XNDC1N: variants seen among roughly 807,000 people sequenced by gnomAD.
XNDC1N encodes the protein protein XNDC1N.
chr11:71,888,252 C>T, the XNDC1N span, among the ~76,000 whole-genome samples: 9 of 152,272 alleles, frequency 5.9e-5, no homozygotes, highest in Admixed American at 5.9e-4. Context: ...GGTGGGAAGG[C>T]AGCCCGGGAT....
chr11:71,865,719 A>G, the XNDC1N span: 1 of 343,310 alleles, frequency 2.9e-6, no homozygotes, highest in Non-Finnish European at 5.6e-6. Context: ...ATAAAATATA[A>G]AGTAGAGCAA....
At chr11:71,902,687 C>A in the XNDC1N span, among the ~76,000 whole-genome samples, 2 of 152,232 alleles carry the variant, frequency 1.3e-5, no homozygotes, top group Non-Finnish European at 2.9e-5. Context: ...TATCAACTTC[C>A]ATTTCATTTC....
the XNDC1N span, chr11:71,865,736 T>C: frequency 2.7e-6 from 1 of 375,198 alleles, no homozygotes; most frequent in South Asian, 2.1e-5. Flanking sequence ...GCAATGTGTC[T>C]GATCTCCAGC....
At chr11:71,878,418 A>G in the XNDC1N span, 1 of 1,608,282 alleles carries the variant, frequency 6.2e-7, no homozygotes, top group Non-Finnish European at 8.5e-7. Flanking sequence ...CATCTCAACT[A>G]CTGATTCTCT....
chr11:71,892,981 A>G, the XNDC1N span, among the ~76,000 whole-genome samples: 2 of 152,118 alleles, frequency 1.3e-5, no homozygotes, highest in Non-Finnish European at 1.5e-5. Flanking sequence ...ATTTGATTTC[A>G]TTTTCAGATA....
At chr11:71,884,093 T>C in the XNDC1N span, among the ~76,000 whole-genome samples, 1 of 152,346 alleles carries the variant, frequency 6.6e-6, no homozygotes, top group South Asian at 2.1e-4. Flanking sequence ...AATTAAACAT[T>C]ATTTCCTGCA....
chr11:71,884,498 T>C, the XNDC1N span: 50 of 1,610,400 alleles, frequency 3.1e-5, no homozygotes, highest in Non-Finnish European at 4.1e-5. Context: ...TTAGATACTG[T>C]GCTGACTTCA....
chr11:71,902,522 A>G, the XNDC1N span, among the ~76,000 whole-genome samples: 1 of 152,200 alleles, frequency 6.6e-6, no homozygotes, highest in African/African-American at 2.4e-5. Context: ...AAGTCCACCT[A>G]AGCTAAGGAC....
the XNDC1N span, among the ~76,000 whole-genome samples, chr11:71,871,292 T>A: frequency 3.9e-5 from 6 of 152,162 alleles, no homozygotes; most frequent in African/African-American, 1.2e-4. Context: ...AGACAAATAT[T>A]ACATGTTTCA....
At chr11:71,893,819 T>A in the XNDC1N span, 1 of 1,017,170 alleles carries the variant, frequency 9.8e-7, no homozygotes, top group Non-Finnish European at 1.4e-6. Flanking sequence ...CTCCTGACTG[T>A]GATGACCTAT....
the XNDC1N span, among the ~76,000 whole-genome samples, chr11:71,888,946 T>A: frequency 9.9e-5 from 15 of 152,212 alleles, no homozygotes; most frequent in African/African-American, 3.4e-4. Context: ...CTAGCAGACC[T>A]GACCTCTGGG....
chr11:71,886,507 C>T, the XNDC1N span, among the ~76,000 whole-genome samples: 2,142 of 151,986 alleles, frequency 0.014, 27 homozygotes, highest in Admixed American at 0.026. Flanking sequence ...ATGAGGGGAG[C>T]TCAGAAGGCC....
the XNDC1N span, among the ~76,000 whole-genome samples, chr11:71,885,967 T>C: frequency 6.6e-6 from 1 of 151,982 alleles, no homozygotes; most frequent in Non-Finnish European, 1.5e-5. Context: ...GTTATTAATA[T>C]TGATAATTAT....
At chr11:71,884,112 C>A in the XNDC1N span, among the ~76,000 whole-genome samples, 1 of 152,136 alleles carries the variant, frequency 6.6e-6, no homozygotes, top group East Asian at 1.9e-4. Context: ...CATTATGAAT[C>A]TCTACACCAC....
the XNDC1N span, among the ~76,000 whole-genome samples, chr11:71,910,567 C>T: frequency 7.9e-5 from 12 of 152,306 alleles, no homozygotes; most frequent in African/African-American, 1.9e-4. Context: ...GGACACCCCA[C>T]GGCATTCGGG....
the XNDC1N span, chr11:71,865,839 A>T: frequency 6.7e-6 from 3 of 449,752 alleles, no homozygotes; most frequent in Non-Finnish European, 1.3e-5. Flanking sequence ...TCTTGCCTCT[A>T]AAACATTTCT....
At chr11:71,896,027 C>T in the XNDC1N span, among the ~76,000 whole-genome samples, 1 of 152,156 alleles carries the variant, frequency 6.6e-6, no homozygotes, top group African/African-American at 2.4e-5. Context: ...CCTGTAATCC[C>T]AGCACTCTAA....
chr11:71,884,675 G>C, the XNDC1N span: 2 of 1,346,160 alleles, frequency 1.5e-6, no homozygotes, highest in South Asian at 1.3e-5. Flanking sequence ...TGTTTAGATG[G>C]TCAGGTGAAA....
chr11:71,892,059 A>C, the XNDC1N span, among the ~76,000 whole-genome samples: 1,781 of 151,284 alleles, frequency 0.012, 37 homozygotes, highest in African/African-American at 0.041. Context: ...GGGGTGTACA[A>C]CTTCTGTGAT....
Sources: allele counts gnomAD v4.1 joint callset (sites outside exome capture counted in the v4.1 genomes callset), GRCh38; gene constraint gnomAD v4.1.1; transcripts MANE v1.5; gene names NCBI Gene and HGNC (gene_info 2026-07-23, HGNC 2026-07-21).